The following CCSER1 variants were observed in gnomAD, a reference collection of about 807,000 sequenced individuals.
CCSER1 encodes coiled-coil serine rich protein 1.
Under a neutral mutation model 82.0 loss-of-function variants are expected in CCSER1, and 41 were observed. The observed-to-expected ratio is 0.50, with a 90% CI of 0.39 to 0.65. The LOEUF (loss-of-function observed/expected upper bound fraction) is 0.65. Among genes scored for constraint, CCSER1 ranks in the 30% least tolerant of loss-of-function variants. CCSER1 has a pLI of 0.00. For missense variants in CCSER1, 1,119 were observed against 1,064.2 expected, an observed-to-expected ratio of 1.05 and a Z score of -0.72; for synonymous variants, 414 against 383.9, an observed-to-expected ratio of 1.08 and a Z score of -0.92.
intron 9 of CCSER1, among the ~76,000 whole-genome samples, chr4:90,970,596 A>G (rs1207915698): frequency 6.6e-6 from 1 of 151,970 alleles, no homozygotes; most frequent in Non-Finnish European, 1.5e-5. Context: ...TATAGACCAC[A>G]TGGGCTCGAC....
At chr4:91,151,571 G>A (rs984236164) in intron 10 of CCSER1, among the ~76,000 whole-genome samples, 4 of 152,128 alleles carry the variant, frequency 2.6e-5, no homozygotes, top group African/African-American at 9.7e-5. Context: ...ATGTTAGGGT[G>A]TCAATTTTAG....
chr4:90,213,113 T>C (rs769556435), intron 1 of CCSER1, among the ~76,000 whole-genome samples: 1 of 152,184 alleles, frequency 6.6e-6, no homozygotes, highest in Non-Finnish European at 1.5e-5. Flanking sequence ...ACAGGTGCAC[T>C]CTGGCATCAG....
chr4:91,167,277 C>T (rs112808300), intron 10 of CCSER1, among the ~76,000 whole-genome samples: 11 of 149,188 alleles, frequency 7.4e-5, no homozygotes, highest in African/African-American at 1.5e-4. Context: ...ACCTTTGCCT[C>T]GTGGGTTCAA....
At chr4:90,360,188 A>C (rs1474464588) in intron 3 of CCSER1, among the ~76,000 whole-genome samples, 1 of 145,284 alleles carries the variant, frequency 6.9e-6, no homozygotes, top group African/African-American at 2.5e-5. Flanking sequence ...AAGTGCTGGG[A>C]TTACAGGCGT....
Position 90,726,421 on chromosome 4 carries a change from G to A in CCSER1, c.2010+2430G>A, listed in dbSNP as rs117614878. On this transcript the variant is annotated intron_variant, in intron 7 of 10. Coordinates refer to ENST00000509176, the MANE Select transcript of CCSER1 (RefSeq NM_001145065.2). ...TGGCTATTGTTAGGAATGTACCATA[G>A]TAAGATATATTAAATTAAGTATGGA... Among the ~76,000 whole-genome samples, 703 of 152,048 alleles carry A rather than the reference G, an allele frequency of 4.6e-3. 13 individuals are homozygous for A. In the East Asian group the frequency reaches 0.047, roughly 10 times the overall value.
intron 8 of CCSER1, among the ~76,000 whole-genome samples, chr4:90,901,209 C>T (rs1037892489): frequency 1.3e-5 from 2 of 151,856 alleles, no homozygotes; most frequent in African/African-American, 4.8e-5. Flanking sequence ...CTCTTGAACG[C>T]AGTAGATGGT....
At chr4:90,218,064 GT>G (rs1741437291) in intron 1 of CCSER1, among the ~76,000 whole-genome samples, 2 of 152,086 alleles carry the variant, frequency 1.3e-5, no homozygotes, top group Non-Finnish European at 2.9e-5. Context: ...GCCTCCCAAA[GT>G]TCTGGGATTA....
At chr4:90,280,094 G>A (rs1728597167) in intron 1 of CCSER1, among the ~76,000 whole-genome samples, 1 of 151,962 alleles carries the variant, frequency 6.6e-6, no homozygotes, top group African/African-American at 2.4e-5. Context: ...TGAGGAGTTT[G>A]TTGAATACTA....
chr4:90,298,657 T>G (rs1467888370), intron 1 of CCSER1, among the ~76,000 whole-genome samples: 2 of 152,072 alleles, frequency 1.3e-5, no homozygotes, highest in Admixed American at 1.3e-4. Context: ...CTCTACACAC[T>G]GCTTTGAATG....
intron 10 of CCSER1, among the ~76,000 whole-genome samples, chr4:91,400,076 T>G (rs1752224802): frequency 6.6e-6 from 1 of 152,016 alleles, no homozygotes; most frequent in South Asian, 2.1e-4. Flanking sequence ...CTCTCTTACA[T>G]CATGCTAGGG....
intron 10 of CCSER1, among the ~76,000 whole-genome samples, chr4:91,101,413 G>A (rs1346907971): frequency 6.6e-6 from 1 of 152,148 alleles, no homozygotes; most frequent in Admixed American, 6.5e-5. Flanking sequence ...ATTTTGCTGG[G>A]GCAACCTCTT....
At chr4:91,247,137 T>G (rs1224414046) in intron 10 of CCSER1, among the ~76,000 whole-genome samples, 1 of 151,774 alleles carries the variant, frequency 6.6e-6, no homozygotes, top group Non-Finnish European at 1.5e-5. Context: ...CTGTCTCTAT[T>G]AAAAATACAA....
chr4:91,282,780 A>G (rs955612629), intron 10 of CCSER1, among the ~76,000 whole-genome samples: 2 of 152,152 alleles, frequency 1.3e-5, no homozygotes, highest in Non-Finnish European at 2.9e-5. Flanking sequence ...ATTTGGCAAC[A>G]GGGATTATTT....
chr4:91,244,353 G>C (rs570306878), intron 10 of CCSER1, among the ~76,000 whole-genome samples: 1 of 152,290 alleles, frequency 6.6e-6, no homozygotes, highest in African/African-American at 2.4e-5. Flanking sequence ...TACCTTGAAG[G>C]GAAGGGCCTT....
intron 10 of CCSER1, among the ~76,000 whole-genome samples, chr4:91,475,354 A>C (rs1187973202): frequency 6.6e-6 from 1 of 151,934 alleles, no homozygotes; most frequent in East Asian, 1.9e-4. Context: ...TTTTAATGTG[A>C]TTTCAGAGCA....
intron 1 of CCSER1, among the ~76,000 whole-genome samples, chr4:90,181,018 C>T (rs1273894089): frequency 2.0e-5 from 3 of 152,036 alleles, no homozygotes; most frequent in East Asian, 1.9e-4. Flanking sequence ...GTAATCTTTA[C>T]TTCATGTGTT....
Position 90,565,087 on chromosome 4 carries a change from G to A in CCSER1, c.1725-62938G>A, listed in dbSNP as rs538426778. Among the ~76,000 whole-genome samples the A allele has an allele frequency of 2.0e-5, 3 of 149,492 alleles. No individual in the cohort carries two copies. In the South Asian group the frequency reaches 6.3e-4, roughly 31 times the overall value. ...TCATTGGTATATTGATAGGTATTGT[G>A]TTAAATCTGTAGGTTACTTTGGGTA... On this transcript the variant is annotated intron_variant, in intron 5 of 10. Transcript: ENST00000509176.
rs796233668 is a variant in CCSER1 at position 90,897,050 on chromosome 4, G to T, written c.2095-26320G>T. 8.6e-5 allele frequency among the ~76,000 whole-genome samples: 13 copies of T among 151,878 alleles called. No homozygotes were observed. The South Asian group carries it at 2.1e-3, about 24-fold the overall frequency. On this transcript the variant is annotated intron_variant, in intron 8 of 10. Coordinates refer to ENST00000509176, the MANE Select transcript of CCSER1 (RefSeq NM_001145065.2). ...ATTTTTCCTTTTTTCTCTGAAAATT[G>T]TATTTCAATTGAATTTTGTTTTATA...
intron 1 of CCSER1, among the ~76,000 whole-genome samples, chr4:90,237,383 T>A (rs1177875491): frequency 6.6e-6 from 1 of 152,158 alleles, no homozygotes; most frequent in African/African-American, 2.4e-5. Context: ...TGCTTAGAGT[T>A]TTTTTCCTAG....
Sources: allele counts gnomAD v4.1 joint callset (sites outside exome capture counted in the v4.1 genomes callset), GRCh38; gene constraint gnomAD v4.1.1; transcripts MANE v1.5; gene names NCBI Gene and HGNC (gene_info 2026-07-23, HGNC 2026-07-21).